NID1: variants seen among roughly 807,000 people sequenced by gnomAD.
The protein encoded by NID1 is nidogen 1.
Under a neutral mutation model 130.6 loss-of-function variants are expected in NID1, and 76 were observed. That is an observed-to-expected ratio of 0.58 (90% CI 0.48 to 0.70). The LOEUF (loss-of-function observed/expected upper bound fraction) is 0.70. Ranked by LOEUF, NID1 falls within the 30% of genes least tolerant of loss-of-function variation. The probability of loss-of-function intolerance (pLI) is 0.00; values close to 1 mark genes in which losing one functional copy is unlikely to be tolerated. For synonymous variants in NID1, 665 were observed against 675.1 expected, an observed-to-expected ratio of 0.98 and a Z score of 0.23; for missense variants, 1,517 against 1,664.8, an observed-to-expected ratio of 0.91 and a Z score of 1.54.
intron 12 of NID1, among the ~76,000 whole-genome samples, chr1:236,003,328 A>C (rs1199060955): frequency 6.6e-5 from 10 of 152,258 alleles, no homozygotes; most frequent in Admixed American, 6.5e-4. Flanking sequence ...TGACAGGCAC[A>C]CAAGAGATGC....
intron 1 of NID1, among the ~76,000 whole-genome samples, chr1:236,054,853 G>A (rs1204683407): frequency 6.6e-6 from 1 of 151,762 alleles, no homozygotes; most frequent in Non-Finnish European, 1.5e-5. Context: ...TGTTGGCCAG[G>A]CTAGTCTGGA....
Position 236,065,018 on chromosome 1 carries a change from A to G in NID1, c.62T>C (p.Leu21Pro), listed in dbSNP as rs1390351877. ...CAGGCAGCCCACAGGCCCCGCCAGCAGCAGCGGCAGCAGCAGCGCCCGCGT... is the reference window on the plus strand; with the variant it reads ...CAGGCAGCCCACAGGCCCCGCCAGCGGCAGCGGCAGCAGCAGCGCCCGCGT... The part of the protein sequence containing the change: ...AWTRALLLPL[L>P]LAGPVGCLSR... The change falls in exon 1 of 20, where the codon CTG becomes CCG. Residue 21 changes from leucine (L) to proline (P), a missense_variant. Around this residue, in one of 3 missense-constraint regions of NID1, gnomAD observed 1,329 missense variants for 1,429.2 expected, o/e 0.93. Coordinates refer to ENST00000264187, the MANE Select transcript of NID1 (RefSeq NM_002508.3). The surrounding 1 kb of genome is among the most constrained non-coding windows in gnomAD (Gnocchi z 4.1). The G allele has an allele frequency of 6.4e-7, 1 of 1,560,904 alleles. No homozygotes were observed. The highest frequency in any genetic ancestry group is 8.7e-7 in the Non-Finnish European group (1 of 1,152,890).
chr1:236,013,357 A>T, intron 11 of NID1, 54 bp downstream of exon 11: 6 of 1,599,578 alleles, frequency 3.8e-6, no homozygotes, highest in Non-Finnish European at 5.1e-6. Context: ...GACAGGTACC[A>T]CCTAGGAAAC....
At chr1:235,988,700 A>G (rs1215586709) in intron 14 of NID1, among the ~76,000 whole-genome samples, 2 of 152,222 alleles carry the variant, frequency 1.3e-5, no homozygotes, top group Non-Finnish European at 2.9e-5. Flanking sequence ...AAAGAAGGAA[A>G]TTATGACACA....
chr1:235,985,340 A>T (rs1382400577), intron 15 of NID1, 39 bp downstream of exon 15: 1 of 1,613,084 alleles, frequency 6.2e-7, no homozygotes, highest in South Asian at 1.1e-5. Flanking sequence ...GGCTGCTAGA[A>T]GCAAAACCAA....
intron 2 of NID1, among the ~76,000 whole-genome samples, chr1:236,047,885 G>T (rs1369048580): frequency 6.6e-6 from 1 of 151,862 alleles, no homozygotes; most frequent in Admixed American, 6.6e-5. Flanking sequence ...AAATTAGCCA[G>T]TGTGGTGGCC....
intron 12 of NID1, among the ~76,000 whole-genome samples, chr1:236,006,184 T>TC (rs1287468011): frequency 2.0e-5 from 3 of 151,714 alleles, no homozygotes; most frequent in Non-Finnish European, 2.9e-5. Context: ...ACCATTTTGC[T>TC]CCCCCCCATT....
intron 16 of NID1, 69 bp from the exon 17 acceptor site, chr1:235,980,722 A>C: frequency 2.0e-6 from 3 of 1,490,220 alleles, no homozygotes; most frequent in Non-Finnish European, 2.8e-6. Flanking sequence ...GTTTATGAAA[A>C]ACACTTGAAA....
intron 1 of NID1, among the ~76,000 whole-genome samples, chr1:236,060,098 CA>C (rs773686621): frequency 7.2e-3 from 368 of 51,010 alleles, no homozygotes; most frequent in African/African-American, 0.018. Context: ...GACTCAGTCT[CA>C]AAAAAAAAAA....
chr1:235,991,642 C>T (rs754344915), intron 13 of NID1, among the ~76,000 whole-genome samples: 1 of 151,508 alleles, frequency 6.6e-6, no homozygotes, highest in Non-Finnish European at 1.5e-5. Context: ...CGGCCTCCCT[C>T]TTAATAGAAA....
At chr1:236,042,859 G>T (rs1414983196) in intron 3 of NID1, among the ~76,000 whole-genome samples, 3 of 152,212 alleles carry the variant, frequency 2.0e-5, no homozygotes, top group Middle Eastern at 3.2e-3. Context: ...ATGGGGGCTG[G>T]TGGCCAGAAA....
chr1:236,015,006 C>A (rs767332983), intron 10 of NID1, among the ~76,000 whole-genome samples: 1 of 152,190 alleles, frequency 6.6e-6, no homozygotes. Flanking sequence ...ACATCCCTTC[C>A]CCGATAATGG....
intron 12 of NID1, among the ~76,000 whole-genome samples, chr1:235,999,410 A>G (rs189328723): frequency 5.4e-4 from 82 of 152,340 alleles, no homozygotes; most frequent in African/African-American, 1.9e-3. Flanking sequence ...AAGTGAGTTT[A>G]TAAAAAGCTG....
At chr1:236,030,375 T>C (rs1341351962) in intron 6 of NID1, among the ~76,000 whole-genome samples, 3 of 152,208 alleles carry the variant, frequency 2.0e-5, no homozygotes, top group Non-Finnish European at 4.4e-5. Context: ...CAGCAGGGGT[T>C]GACAAACTAT....
chr1:236,055,626 G>T (rs1659878915), intron 1 of NID1, among the ~76,000 whole-genome samples: 1 of 151,552 alleles, frequency 6.6e-6, no homozygotes, highest in African/African-American at 2.4e-5. Flanking sequence ...CTGCACTCCA[G>T]CCTGGGTAAC....
At chr1:235,992,267 C>T (rs1269801222) in intron 13 of NID1, among the ~76,000 whole-genome samples, 1 of 152,176 alleles carries the variant, frequency 6.6e-6, no homozygotes, top group Non-Finnish European at 1.5e-5. Flanking sequence ...ATCGGTGACA[C>T]AAACCAATCT....
Position 236,032,610 on chromosome 1 carries a change from A to G in NID1, c.1328T>C (p.Phe443Ser), listed in dbSNP as rs370179239. ...AATGGGGACCTGGCTGCTCCCCACAAAGATCCTTCCTTTCACCTTGCCATT... is the reference window on the plus strand; with the variant it reads ...AATGGGGACCTGGCTGCTCCCCACAGAGATCCTTCCTTTCACCTTGCCATT... ...RVNGKVKGRIFVGSSQVPIVF... is the reference protein window; with the variant it reads ...RVNGKVKGRISVGSSQVPIVF... The change falls in exon 6 of 20, where the codon TTT (phenylalanine) becomes TCT (serine). Residue 443 changes from phenylalanine (F) to serine (S), a missense_variant. Around this residue, in one of 3 missense-constraint regions of NID1, gnomAD observed 1,329 missense variants for 1,429.2 expected, o/e 0.93. Coordinates refer to ENST00000264187, the MANE Select transcript of NID1 (RefSeq NM_002508.3). 3 of 1,614,188 alleles carry G rather than the reference A, an allele frequency of 1.9e-6. No individual in the cohort carries two copies. Among genetic ancestry groups the G allele is most frequent in the Non-Finnish European group, 2.5e-6 (3 of 1,180,040 alleles).
chr1:236,006,173 C>T (rs1181067290), intron 12 of NID1, among the ~76,000 whole-genome samples: 1 of 152,212 alleles, frequency 6.6e-6, no homozygotes, highest in Non-Finnish European at 1.5e-5. Context: ...ATTAGACTAT[C>T]ACCATTTTGC....
intron 7 of NID1, among the ~76,000 whole-genome samples, chr1:236,029,283 A>G (rs1018050911): frequency 6.6e-6 from 1 of 152,244 alleles, no homozygotes; most frequent in Non-Finnish European, 1.5e-5. Flanking sequence ...CTGGAGAAAA[A>G]GCTGAAAAGA....
Sources: gnomAD v4.1 joint callset for allele counts (sites outside exome capture counted in the v4.1 genomes callset) on GRCh38, gnomAD v4.1.1 for gene constraint, gnomAD v4.1.1 regional missense constraint, Gnocchi (gnomAD v3.1) non-coding constraint, MANE v1.5 for transcripts, NCBI Gene and HGNC (gene_info 2026-07-23, HGNC 2026-07-21) for gene names.